The following NHSL1 variants were observed in gnomAD, a reference collection of about 807,000 sequenced individuals.
The protein encoded by NHSL1 is NHS-like protein 1.
In NHSL1, 48 loss-of-function variants were observed where a neutral mutation model predicts 95.0. The observed-to-expected ratio is 0.51, with a 90% CI of 0.40 to 0.64. The LOEUF is 0.64. Ranked by LOEUF, NHSL1 falls within the 30% of genes least tolerant of loss-of-function variation. The pLI is 0.00. For missense variants in NHSL1, 1,971 were observed against 2,077.7 expected (o/e 0.95, Z 1.00); for synonymous variants, 783 against 833.9 (o/e 0.94, Z 1.05).
intron 2 of NHSL1, among the ~76,000 whole-genome samples, chr6:138,478,482 CTT>C (rs1779226895): frequency 6.6e-6 from 1 of 152,092 alleles, no homozygotes; most frequent in Non-Finnish European, 1.5e-5. Flanking sequence ...AAATTCTCCT[CTT>C]GTCAAGTTGC....
intron 3 of NHSL1, among the ~76,000 whole-genome samples, chr6:138,461,453 A>T (rs72973287): frequency 0.14 from 20,649 of 152,202 alleles, 1,437 homozygotes; most frequent in Middle Eastern, 0.17. Context: ...CAATGGCTAG[A>T]GAGGGAAGAG....
rs184675326 is a variant in NHSL1, at chr6:138,653,283, C to T, written c.96+39193G>A. ...AAAAAGCCTTAGTCTTGGCCAGGCA[C>T]GGTGGCTCAAGCCTGTAATCTCAGC... is the stretch of plus-strand genomic sequence containing the variant. On this transcript the variant is annotated intron_variant, in intron 1 of 3. Transcript: ENST00000491526. 4.4e-3 allele frequency among the ~76,000 whole-genome samples: 670 copies of T among 152,194 alleles called. 1 individual carries two copies. Among genetic ancestry groups the T allele is most frequent in the Non-Finnish European group, 4.7e-3 (317 of 68,018 alleles).
chr6:138,570,006 C>T (rs185420333), intron 1 of NHSL1, among the ~76,000 whole-genome samples: 2 of 152,328 alleles, frequency 1.3e-5, no homozygotes, highest in Non-Finnish European at 2.9e-5. Flanking sequence ...TAAGCAAGTC[C>T]TCCCTTCACA....
At chr6:138,670,832 T>G (rs532370761) in intron 1 of NHSL1, among the ~76,000 whole-genome samples, 2 of 152,034 alleles carry the variant, frequency 1.3e-5, no homozygotes, top group African/African-American at 4.8e-5. Flanking sequence ...AAAAGCTCAG[T>G]AGAAGGACTG....
intron 1 of NHSL1, among the ~76,000 whole-genome samples, chr6:138,505,652 C>CAAAAAA (rs10559023): frequency 3.1e-4 from 27 of 87,576 alleles, no homozygotes; most frequent in Non-Finnish European, 3.9e-4. Context: ...GACTCCATTT[C>CAAAAAA]AAAAAAAAAA....
intron 3 of NHSL1, among the ~76,000 whole-genome samples, chr6:138,466,607 T>C (rs1217369235): frequency 6.6e-6 from 1 of 152,170 alleles, no homozygotes; most frequent in African/African-American, 2.4e-5. Context: ...ATAATGACAT[T>C]TCAGTCAACA....
At chr6:138,471,581 T>C (rs1029197060) in intron 3 of NHSL1, among the ~76,000 whole-genome samples, 1 of 152,180 alleles carries the variant, frequency 6.6e-6, no homozygotes, top group Non-Finnish European at 1.5e-5. Context: ...AGGAAAAACA[T>C]TCTGTGATAA....
chr6:138,646,844 C>T (rs1180046559), intron 1 of NHSL1, among the ~76,000 whole-genome samples: 1 of 152,212 alleles, frequency 6.6e-6, no homozygotes, highest in African/African-American at 2.4e-5. Context: ...TACACAATCA[C>T]ACAGTCCCAA....
intron 5 of NHSL1, among the ~76,000 whole-genome samples, chr6:138,436,155 A>G (rs189145703): frequency 1.4e-4 from 22 of 152,308 alleles, no homozygotes; most frequent in Admixed American, 1.2e-3. Context: ...CATGTCTCTC[A>G]CTTTAAATCA....
intron 1 of NHSL1, among the ~76,000 whole-genome samples, chr6:138,661,297 C>T (rs1785224133): frequency 6.6e-6 from 1 of 152,116 alleles, no homozygotes; most frequent in Non-Finnish European, 1.5e-5. Context: ...CCCACTCCAG[C>T]CCCTGGTAAC....
intron 1 of NHSL1, among the ~76,000 whole-genome samples, chr6:138,618,414 A>G (rs1388761992): frequency 6.6e-6 from 1 of 152,256 alleles, no homozygotes; most frequent in Non-Finnish European, 1.5e-5. Flanking sequence ...GTGGACACTC[A>G]TCAGTAGTTG....
intron 2 of NHSL1, among the ~76,000 whole-genome samples, chr6:138,473,697 C>T (rs1224691501): frequency 6.6e-6 from 1 of 152,076 alleles, no homozygotes; most frequent in East Asian, 1.9e-4. Context: ...GAGGTAGACA[C>T]CATCATTAAT....
At chr6:138,499,985 TGCTCTGTC>T (rs1780587200), upstream of NHSL1, among the ~76,000 whole-genome samples, 1 of 152,174 alleles carries the variant, frequency 6.6e-6, no homozygotes, top group Non-Finnish European at 1.5e-5. Flanking sequence ...CAAATTAGGA[TGCTCTGTC>T]TTCTCACCCT....
intron 1 of NHSL1, among the ~76,000 whole-genome samples, chr6:138,585,675 T>C (rs1251437498): frequency 6.6e-6 from 1 of 152,024 alleles, no homozygotes; most frequent in Admixed American, 6.6e-5. Context: ...TACCAGGCAC[T>C]GAATCGCTCC....
upstream of NHSL1, among the ~76,000 whole-genome samples, chr6:138,692,817 G>C (rs1365498926): frequency 6.6e-6 from 1 of 150,838 alleles, no homozygotes; most frequent in Non-Finnish European, 1.5e-5. This position sits in a 1 kb window ranked among gnomAD's most constrained non-coding sequence, Gnocchi z 4.0. Context: ...CCGTCGGCGC[G>C]GGGCGCCAGC....
At position 138,424,227 on chromosome 6, in the gene NHSL1, C is replaced by G. The variant is rs1490520678; in HGVS notation, c.4675G>C (p.Glu1559Gln). ...CAGAGCAGGCCGCCCTCGTCCATCT[C>G]CTCCCTCGCCAGTCCGTCCAGGGAA... Reference protein sequence around the residue: ...GCSLDGLAREEMDEGGLLCGE... With the variant: ...GCSLDGLAREQMDEGGLLCGE... Residue 1559 changes from glutamate to glutamine, a missense_variant, in exon 8 of 8, where the codon GAG (glutamate) becomes CAG (glutamine). By Grantham distance (29) the Glu-to-Gln change is conservative (BLOSUM62 2). Around this residue, in one of 3 missense-constraint regions of NHSL1, gnomAD observed 223 missense variants for 217.0 expected, o/e 1.03. Coordinates refer to ENST00000343505, the MANE Select transcript of NHSL1 (RefSeq NM_001144060.2). This position sits in a 1 kb window ranked among gnomAD's most constrained non-coding sequence, Gnocchi z 5.9. The G allele has an allele frequency of 8.6e-6, 13 of 1,506,396 alleles. No individual in the cohort carries two copies. The highest frequency in any genetic ancestry group is 1.2e-5 in the Non-Finnish European group (13 of 1,128,660). The allele number at this position is 1,506,396 out of a possible 1,614,324, so 93.3% of individuals were successfully genotyped here.
chr6:138,479,080 AC>A (rs1279534950), intron 2 of NHSL1, among the ~76,000 whole-genome samples: 1 of 152,068 alleles, frequency 6.6e-6, no homozygotes, highest in East Asian at 1.9e-4. Context: ...ATGTTCCAAG[AC>A]CCCTGGTGGA....
At chr6:138,545,532 G>C in intron 1 of NHSL1, 1 of 951,686 alleles carries the variant, frequency 1.1e-6, no homozygotes, top group South Asian at 1.4e-5. Flanking sequence ...GATTTTTACT[G>C]GAATCAGCTC....
rs541108474 is a variant in NHSL1, at chr6:138,430,775, C to T, written c.3570G>A (p.Arg1190=). The T allele has an allele frequency of 1.9e-6, 3 of 1,551,646 alleles. No homozygotes were observed. In the African/African-American group the frequency reaches 4.1e-5, roughly 21 times the overall value. The change falls in exon 6 of 8, where the codon AGG becomes AGA. Residue 1190 remains arginine, a synonymous_variant. Coordinates refer to ENST00000343505, the MANE Select transcript of NHSL1 (RefSeq NM_001144060.2). The surrounding 1 kb of genome is among the most constrained non-coding windows in gnomAD (Gnocchi z 4.7). ...TTPLPDSSPS[R]KPPPISKKPK... is the part of the protein sequence containing the mutation. ...GCTTCTTGGAAATGGGGGGTGGCTT[C>T]CTGCTGGGTGAAGAGTCTGGGAGTG...
Sources: allele counts gnomAD v4.1 joint callset (sites outside exome capture counted in the v4.1 genomes callset), GRCh38; gene constraint gnomAD v4.1.1; regional missense constraint gnomAD v4.1.1; non-coding constraint Gnocchi (gnomAD v3.1); transcripts MANE v1.5; gene names NCBI Gene and HGNC (gene_info 2026-07-23, HGNC 2026-07-21).